The following SLC13A3 variants were observed in gnomAD, a reference collection of about 807,000 sequenced individuals.
The protein encoded by SLC13A3 is Na(+)/dicarboxylate cotransporter 3.
SLC13A3 carries 40 observed loss-of-function variants against 59.0 expected under a neutral mutation model. That is an observed-to-expected ratio of 0.68 (90% CI 0.53 to 0.88). The LOEUF (loss-of-function observed/expected upper bound fraction) is 0.88. Ranked by LOEUF, SLC13A3 falls within the 40% of genes least tolerant of loss-of-function variation. The pLI is 0.00. For synonymous variants in SLC13A3, 317 were observed against 330.3 expected (o/e 0.96, Z 0.44); for missense variants, 699 against 783.2 (o/e 0.89, Z 1.28).
intron 6 of SLC13A3, among the ~76,000 whole-genome samples, chr20:46,590,948 T>A (rs2062248252): frequency 6.6e-6 from 1 of 151,672 alleles, no homozygotes; most frequent in African/African-American, 2.4e-5. Flanking sequence ...GGTGGATCAC[T>A]TGAGGTTTGA....
chr20:46,659,719 C>A (rs573085130), intron 1 of SLC13A3, among the ~76,000 whole-genome samples: 8 of 148,728 alleles, frequency 5.4e-5, no homozygotes, highest in South Asian at 4.3e-4. Context: ...CTATCCCCCC[C>A]CCCCAAAAAA....
chr20:46,632,521 A>G (rs2062750221), intron 1 of SLC13A3, among the ~76,000 whole-genome samples: 2 of 150,866 alleles, frequency 1.3e-5, no homozygotes, highest in South Asian at 4.2e-4. Flanking sequence ...GGGAGCTGGG[A>G]CCTGGGGGTT....
At chr20:46,587,008 C>T (rs929649288) in intron 8 of SLC13A3, among the ~76,000 whole-genome samples, 24 of 152,178 alleles carry the variant, frequency 1.6e-4, no homozygotes, top group African/African-American at 4.6e-4. Context: ...TATTACAAGA[C>T]GTTGTCTTTT....
chr20:46,623,311 C>T (rs1389436104), intron 1 of SLC13A3, among the ~76,000 whole-genome samples: 1 of 152,176 alleles, frequency 6.6e-6, no homozygotes, highest in Non-Finnish European at 1.5e-5. Flanking sequence ...ATCACAATCA[C>T]CAACATTTTT....
rs1377059935 is a variant in SLC13A3 at position 46,600,313 on chromosome 20, GGGAAGGAAGGAAA to G, written c.542-289_542-277del. On this transcript the variant is annotated intron_variant, in intron 3 of 12. Coordinates refer to ENST00000279027, the MANE Select transcript of SLC13A3 (RefSeq NM_022829.6). ...AGGGAAAGAAAGAAAGAAAGAAAGA[GGGAAGGAAGGAAA>G]GGAAGGAAGGAAGGAAAGGAAAAGA... 1.0e-3 allele frequency among the ~76,000 whole-genome samples: 124 copies of G among 123,876 alleles called. No homozygotes were observed. In the East Asian group the frequency reaches 0.018, roughly 18 times the overall value. The allele number at this position is 123,876 out of a possible 152,430, so 81.3% of individuals were successfully genotyped here.
intron 8 of SLC13A3, among the ~76,000 whole-genome samples, chr20:46,587,056 T>A (rs910783064): frequency 1.3e-5 from 2 of 152,212 alleles, no homozygotes; most frequent in African/African-American, 4.8e-5. Context: ...TAAAAATCAT[T>A]CAAAATCAAA....
At chr20:46,619,441 A>T (rs2062593403) in intron 1 of SLC13A3, among the ~76,000 whole-genome samples, 1 of 152,198 alleles carries the variant, frequency 6.6e-6, no homozygotes, top group African/African-American at 2.4e-5. Flanking sequence ...CACTGAGACT[A>T]TTTCTCAACT....
At chr20:46,608,880 G>A (rs1261790798) in intron 3 of SLC13A3, 15 of 1,548,640 alleles carry the variant, frequency 9.7e-6, no homozygotes, top group Non-Finnish European at 1.1e-5. Flanking sequence ...CCTGTCTTTG[G>A]GTCCCAGGTG....
At chr20:46,623,318 T>A (rs2062634409) in intron 1 of SLC13A3, among the ~76,000 whole-genome samples, 1 of 152,124 alleles carries the variant, frequency 6.6e-6, no homozygotes, top group South Asian at 2.1e-4. Flanking sequence ...TCACCAACAT[T>A]TTTTGAGTAT....
chr20:46,647,901 T>G (rs748311764), intron 1 of SLC13A3, among the ~76,000 whole-genome samples: 1 of 152,236 alleles, frequency 6.6e-6, no homozygotes, highest in Non-Finnish European at 1.5e-5. Flanking sequence ...TCCAACTTCT[T>G]TCCTGATGTG....
At chr20:46,571,594 G>C (rs2062028637) in intron 10 of SLC13A3, among the ~76,000 whole-genome samples, 1 of 152,154 alleles carries the variant, frequency 6.6e-6, no homozygotes, top group South Asian at 2.1e-4. Flanking sequence ...GTGTCTTCTA[G>C]GTGCCTAGAA....
At chr20:46,610,341 T>G in intron 3 of SLC13A3, 105 bp downstream of exon 3, 1 of 1,053,286 alleles carries the variant, frequency 9.5e-7, no homozygotes, top group South Asian at 1.6e-5. Flanking sequence ...TAGTAGGTGC[T>G]CAATAAGTGT....
At chr20:46,589,720 A>G (rs1327203645) in intron 6 of SLC13A3, among the ~76,000 whole-genome samples, 1 of 152,240 alleles carries the variant, frequency 6.6e-6, no homozygotes, top group East Asian at 1.9e-4. Context: ...TTGATTTTTG[A>G]CAGGCGTACC....
chr20:46,584,437 A>C (rs1401927862), intron 8 of SLC13A3: 2 of 985,276 alleles, frequency 2.0e-6, no homozygotes, highest in Admixed American at 6.1e-5. Flanking sequence ...CCTGGCCTGA[A>C]ACTCAGATTG....
chr20:46,610,156 A>G (rs3092183), intron 3 of SLC13A3, among the ~76,000 whole-genome samples: 14,823 of 152,268 alleles, frequency 0.097, 812 homozygotes, highest in African/African-American at 0.14. Context: ...AGGTTTAATT[A>G]TAGTACTTAC....
upstream of SLC13A3, among the ~76,000 whole-genome samples, chr20:46,656,241 ATAT>A (rs1173816050): frequency 2.2e-4 from 32 of 143,406 alleles, no homozygotes; most frequent in Non-Finnish European, 3.2e-4. Flanking sequence ...TGTACAGTAT[ATAT>A]TATACTGTAT....
intron 1 of SLC13A3, among the ~76,000 whole-genome samples, chr20:46,638,524 G>A (rs543381324): frequency 3.9e-5 from 6 of 152,330 alleles, no homozygotes; most frequent in Admixed American, 1.3e-4. Flanking sequence ...CGTCAGCTCC[G>A]TCCAGTGAAG....
chr20:46,604,601 C>T (rs1357887241), intron 3 of SLC13A3, among the ~76,000 whole-genome samples: 1 of 152,156 alleles, frequency 6.6e-6, no homozygotes, highest in African/African-American at 2.4e-5. Context: ...TCGTGGTACA[C>T]CGTTGGTACC....
At chr20:46,670,761 G>A (rs1252148129), upstream of SLC13A3, among the ~76,000 whole-genome samples, 3 of 152,048 alleles carry the variant, frequency 2.0e-5, no homozygotes, top group Non-Finnish European at 4.4e-5. Flanking sequence ...GGAATTATGA[G>A]AAATAACAAA....
Sources: allele counts gnomAD v4.1 joint callset (sites outside exome capture counted in the v4.1 genomes callset), GRCh38; gene constraint gnomAD v4.1.1; transcripts MANE v1.5; gene names NCBI Gene and HGNC (gene_info 2026-07-23, HGNC 2026-07-21).